The following SCP2 variants were observed in gnomAD, a reference collection of about 807,000 sequenced individuals.
SCP2 encodes the protein sterol carrier protein 2, also known as SCP-2/3-oxoacyl-CoA thiolase.
Under a neutral mutation model 71.4 loss-of-function variants are expected in SCP2, and 48 were observed. The observed-to-expected ratio is 0.67, with a 90% CI of 0.53 to 0.86. SCP2 has a LOEUF of 0.86. Ranked by LOEUF, SCP2 falls within the 40% of genes least tolerant of loss-of-function variation. The pLI is 0.00. For synonymous variants in SCP2, 220 were observed against 218.1 expected, an observed-to-expected ratio of 1.01 and a Z score of -0.08; for missense variants, 560 against 655.6, an observed-to-expected ratio of 0.85 and a Z score of 1.59.
intron 11 of SCP2, among the ~76,000 whole-genome samples, chr1:53,000,047 C>T (rs1660212048): frequency 6.6e-6 from 1 of 151,874 alleles, no homozygotes; most frequent in African/African-American, 2.4e-5. Flanking sequence ...GAACTACTGA[C>T]CTCAAGTGAT....
chr1:53,019,648 G>A (rs1262438449), intron 12 of SCP2, among the ~76,000 whole-genome samples: 2 of 152,148 alleles, frequency 1.3e-5, no homozygotes. Context: ...CTGTGTGCTT[G>A]TTATTATTAC....
chr1:52,969,504 GTTTT>G (rs1302892891), intron 6 of SCP2, among the ~76,000 whole-genome samples: 2 of 151,534 alleles, frequency 1.3e-5, no homozygotes, highest in Non-Finnish European at 1.5e-5. Context: ...GTGTGACCCT[GTTTT>G]TGTTTGTTTG....
At chr1:52,974,420 G>A (rs1411150607) in intron 6 of SCP2, among the ~76,000 whole-genome samples, 2 of 152,212 alleles carry the variant, frequency 1.3e-5, no homozygotes, top group East Asian at 1.9e-4. Flanking sequence ...TCAGTCTAGC[G>A]TACTGGGGTG....
Position 52,987,830 on chromosome 1 carries a change from T to A in SCP2, c.974-199T>A, listed in dbSNP as rs574415850. On this transcript the variant is annotated intron_variant, in intron 10 of 15. Transcript: ENST00000371514. ...AGAGCTCTAAGGAACTAATAGGAGCTTTTGTTTCATACAGGAAATGTTCTG... is the reference window on the plus strand; with the variant it reads ...AGAGCTCTAAGGAACTAATAGGAGCATTTGTTTCATACAGGAAATGTTCTG... 5.3e-5 allele frequency among the ~76,000 whole-genome samples: 8 copies of A among 152,346 alleles called. No homozygotes were observed. In the South Asian group the frequency reaches 1.7e-3, roughly 32 times the overall value.
intron 10 of SCP2, among the ~76,000 whole-genome samples, chr1:52,987,390 C>A (rs1450336079): frequency 6.6e-6 from 1 of 152,186 alleles, no homozygotes; most frequent in African/African-American, 2.4e-5. Flanking sequence ...GCGTCCACAT[C>A]TTATTACTTT....
chr1:52,931,303 A>G (rs1435738809), intron 1 of SCP2, among the ~76,000 whole-genome samples: 1 of 152,206 alleles, frequency 6.6e-6, no homozygotes, highest in East Asian at 1.9e-4. Flanking sequence ...AGAAGGCCCA[A>G]AACTTGGATA....
chr1:52,958,568 G>A (rs1261243848), intron 5 of SCP2, among the ~76,000 whole-genome samples: 1 of 150,652 alleles, frequency 6.6e-6, no homozygotes, highest in East Asian at 1.9e-4. Context: ...CTATTGAGAT[G>A]TTCTTATTTT....
intron 12 of SCP2, among the ~76,000 whole-genome samples, chr1:53,016,472 C>T (rs949875126): frequency 1.1e-4 from 16 of 151,960 alleles, no homozygotes; most frequent in Non-Finnish European, 2.2e-4. Context: ...TTTTTTGAGA[C>T]AGAGTCTTGT....
At chr1:53,005,435 G>C (rs1319013823) in intron 11 of SCP2, among the ~76,000 whole-genome samples, 1 of 152,168 alleles carries the variant, frequency 6.6e-6, no homozygotes, top group South Asian at 2.1e-4. Flanking sequence ...CCAAGGGAAG[G>C]ATCAGGCAGC....
At chr1:53,016,000 A>G (rs1393090147) in intron 12 of SCP2, among the ~76,000 whole-genome samples, 1 of 151,748 alleles carries the variant, frequency 6.6e-6, no homozygotes, top group Non-Finnish European at 1.5e-5. Context: ...ATTTATTCAC[A>G]CTTTTTTGTT....
At chr1:53,026,823 A>G (rs1190570786) in intron 12 of SCP2, among the ~76,000 whole-genome samples, 1 of 152,120 alleles carries the variant, frequency 6.6e-6, no homozygotes, top group Non-Finnish European at 1.5e-5. Context: ...GAGAAAAAGT[A>G]TGAAATAATA....
At chr1:52,991,798 A>G (rs7541215) in intron 11 of SCP2, among the ~76,000 whole-genome samples, 17,101 of 152,126 alleles carry the variant, frequency 0.11, 1,751 homozygotes, top group African/African-American at 0.28. Context: ...TAACAGATCA[A>G]TTTTAATTCT....
At chr1:53,021,213 C>T (rs7526661) in intron 12 of SCP2, among the ~76,000 whole-genome samples, 20,828 of 151,718 alleles carry the variant, frequency 0.14, 2,040 homozygotes, top group East Asian at 0.33. Flanking sequence ...TTCACCATGT[C>T]GCCCAGGTTG....
At chr1:52,955,035 A>ATT (rs200733442) in intron 5 of SCP2, among the ~76,000 whole-genome samples, 1 of 152,178 alleles carries the variant, frequency 6.6e-6, no homozygotes, top group African/African-American at 2.4e-5. Context: ...TCATTTATTC[A>ATT]TTTTTTTGAT....
chr1:53,012,349 C>A (rs549635267), intron 11 of SCP2, among the ~76,000 whole-genome samples: 1 of 152,356 alleles, frequency 6.6e-6, no homozygotes, highest in African/African-American at 2.4e-5. Context: ...CTGTTCCATA[C>A]TTTGTTGAAC....
At chr1:52,993,729 G>T in intron 11 of SCP2, 1 of 1,609,578 alleles carries the variant, frequency 6.2e-7, no homozygotes. Context: ...CAAAACATTT[G>T]TAATATGATT....
chr1:52,964,960 G>A (rs115033062), intron 6 of SCP2, among the ~76,000 whole-genome samples: 4,217 of 152,194 alleles, frequency 0.028, 150 homozygotes, highest in East Asian at 0.19. Context: ...GTTGTGAGCC[G>A]AGATCGCGCC....
rs1311075687 is a variant in SCP2, at chr1:52,950,865, G to A, written c.310G>A (p.Ala104Thr). 5.0e-6 allele frequency: 8 copies of A among 1,614,036 alleles called. No individual in the cohort carries two copies. The highest frequency in any genetic ancestry group is 5.9e-6 in the Non-Finnish European group (7 of 1,179,962). ...TACTGGTTCTACTGCTTTGTTTATG[G>A]CCCGCCAGCTGATTCAGGGTGGTAA... ...CATGSTALFM[A>T]RQLIQGGVAE... The change falls in exon 4 of 16, where the codon GCC becomes ACC. Residue 104 changes from alanine (A) to threonine (T), a missense_variant. By Grantham distance (58) the Ala-to-Thr change is moderately conservative. Transcript: ENST00000371514.
chr1:52,985,791 A>G (rs1404122623), intron 10 of SCP2, among the ~76,000 whole-genome samples: 3 of 151,994 alleles, frequency 2.0e-5, no homozygotes, highest in Non-Finnish European at 4.4e-5. Context: ...TTCCAAACAT[A>G]CATGATTTGC....
Sources: gnomAD v4.1 joint callset for allele counts (sites outside exome capture counted in the v4.1 genomes callset) on GRCh38, gnomAD v4.1.1 for gene constraint, MANE v1.5 for transcripts, NCBI Gene and HGNC (gene_info 2026-07-23, HGNC 2026-07-21) for gene names.